The following CHSY1 variants were observed in gnomAD, a reference collection of about 807,000 sequenced individuals.
CHSY1 encodes the protein chondroitin sulfate synthase 1, also known as N-acetylgalactosaminyl-proteoglycan 3-beta-glucuronosyltransferase 1.
CHSY1 carries 13 observed loss-of-function variants against 59.8 expected under a neutral mutation model. The ratio of observed to expected loss-of-function variants is 0.22; its 90% confidence interval spans 0.14 to 0.35. The LOEUF (loss-of-function observed/expected upper bound fraction) is 0.35, where lower values mean the gene tolerates loss of function less well. Among genes scored for constraint, CHSY1 ranks in the 10% least tolerant of loss-of-function variants. CHSY1 has a pLI of 1.00. For synonymous variants in CHSY1, 459 were observed against 401.2 expected, an observed-to-expected ratio of 1.14 and a Z score of -1.72; for missense variants, 947 against 1,030.6, an observed-to-expected ratio of 0.92 and a Z score of 1.11.
intron 2 of CHSY1, among the ~76,000 whole-genome samples, chr15:101,229,319 GAC>G (rs2038870772): frequency 6.6e-6 from 1 of 152,088 alleles, no homozygotes; most frequent in Non-Finnish European, 1.5e-5. Flanking sequence ...CTTCATGAGA[GAC>G]ACACTTTACA....
intron 2 of CHSY1, among the ~76,000 whole-genome samples, chr15:101,190,348 A>G (rs1596431692): frequency 6.6e-6 from 1 of 152,332 alleles, no homozygotes; most frequent in African/African-American, 2.4e-5. Flanking sequence ...CAGTTTTCAG[A>G]GCATAGGCAA....
chr15:101,192,558 G>A (rs2038457695), intron 2 of CHSY1, among the ~76,000 whole-genome samples: 1 of 152,118 alleles, frequency 6.6e-6, no homozygotes, highest in Non-Finnish European at 1.5e-5. Flanking sequence ...TAAGACAAGG[G>A]GACTTTCAAA....
chr15:101,177,795 C>T lies in CHSY1; in HGVS notation c.2002G>A (p.Val668Ile). The change falls in exon 3 of 3, where the codon GTT (valine) becomes ATT (isoleucine). Residue 668 changes from valine to isoleucine, a missense_variant. Around this residue, in one of 4 missense-constraint regions of CHSY1, gnomAD observed 602 missense variants for 676.9 expected, o/e 0.89. Coordinates refer to ENST00000254190, the MANE Select transcript of CHSY1 (RefSeq NM_014918.5). ...IIFSQYDPKI[V>I]YSGKVPSDNH... ...TCACTGGGAACTTTCCCACTATAAA[C>T]AATCTTTGGGTCATACTGGCTGAAG... 3 of 1,614,222 alleles carry T rather than the reference C, an allele frequency of 1.9e-6. No individual in the cohort carries two copies.
intron 2 of CHSY1, among the ~76,000 whole-genome samples, chr15:101,227,150 T>C (rs185220871): frequency 6.6e-6 from 1 of 152,332 alleles, no homozygotes; most frequent in East Asian, 1.9e-4. Context: ...TTTGCCCTAT[T>C]TCCAGTCTGT....
chr15:101,201,122 G>T (rs2038570161), intron 2 of CHSY1, among the ~76,000 whole-genome samples: 1 of 147,096 alleles, frequency 6.8e-6, no homozygotes, highest in African/African-American at 2.5e-5. Context: ...GGTGCGGGGG[G>T]AGGTGGTCGG....
chr15:101,250,868 A>G (rs2039101089), intron 1 of CHSY1, among the ~76,000 whole-genome samples: 1 of 152,220 alleles, frequency 6.6e-6, no homozygotes, highest in African/African-American at 2.4e-5. Flanking sequence ...TGCAAAGGCT[A>G]AAGTGCCTTC....
At chr15:101,181,604 G>C (rs2038279320) in intron 2 of CHSY1, among the ~76,000 whole-genome samples, 1 of 152,180 alleles carries the variant, frequency 6.6e-6, no homozygotes, top group South Asian at 2.1e-4. Context: ...GCCCCACTGG[G>C]TCATGCCACA....
Position 101,176,226 on chromosome 15 carries a change from T to C in CHSY1, c.*1162A>G, listed in dbSNP as rs1251347924. ...ATGGCAGAGCTCTGAACAACAGATA[T>C]TAAATAAATTAAAGGTATTTCAGAT... On this transcript the variant is annotated 3_prime_UTR_variant, in exon 3 of 3. Transcript: ENST00000254190. 2 of 398,426 alleles carry C rather than the reference T, an allele frequency of 5.0e-6. No homozygotes were observed. The highest frequency in any genetic ancestry group is 3.6e-5 in the East Asian group (1 of 28,024). The allele number at this position is 398,426 out of a possible 1,614,324, so 24.7% of individuals were successfully genotyped here. A position where few individuals can be genotyped will look rare whatever the true frequency, so the allele number is the denominator to read the frequency against.
At chr15:101,201,833 T>C (rs540109109) in intron 2 of CHSY1, among the ~76,000 whole-genome samples, 6 of 152,282 alleles carry the variant, frequency 3.9e-5, no homozygotes, top group African/African-American at 1.4e-4. Flanking sequence ...TCCTGAACTG[T>C]GTTCAAAGAG....
chr15:101,250,726 G>A (rs2039098838), intron 1 of CHSY1, among the ~76,000 whole-genome samples: 1 of 152,190 alleles, frequency 6.6e-6, no homozygotes, highest in South Asian at 2.1e-4. Flanking sequence ...GCTTTGCAAG[G>A]ACAAAGGTGC....
Position 101,192,519 on chromosome 15 carries a change from C to G in CHSY1, c.817-13539G>C, listed in dbSNP as rs2038457258. On this transcript the variant is annotated intron_variant, in intron 2 of 2. Transcript: ENST00000254190. ...CAGCCAACCTTAACCCCAACTCCCC[C>G]CACTCCCAAACAATATGGCAACAAG... Among the ~76,000 whole-genome samples, 3 of 152,278 alleles carry G rather than the reference C, an allele frequency of 2.0e-5. No individual in the cohort carries two copies. The South Asian group carries it at 6.2e-4, about 32-fold the overall frequency.
chr15:101,229,987 G>C (rs1002381391), intron 2 of CHSY1, among the ~76,000 whole-genome samples: 1 of 151,326 alleles, frequency 6.6e-6, no homozygotes, highest in Non-Finnish European at 1.5e-5. Context: ...CTTTGCCCAG[G>C]CTGGAGTGAA....
chr15:101,238,721 A>G (rs555209867), intron 1 of CHSY1, among the ~76,000 whole-genome samples: 1 of 152,346 alleles, frequency 6.6e-6, no homozygotes, highest in Admixed American at 6.5e-5. Flanking sequence ...CACTTAAATA[A>G]CTCATTAACA....
chr15:101,237,418 C>G (rs182565264), intron 1 of CHSY1, among the ~76,000 whole-genome samples: 1 of 152,110 alleles, frequency 6.6e-6, no homozygotes, highest in East Asian at 1.9e-4. Context: ...AGAGTGGACA[C>G]AGGAAGACCA....
At chr15:101,187,295 G>C (rs533445864) in intron 2 of CHSY1, among the ~76,000 whole-genome samples, 1 of 152,254 alleles carries the variant, frequency 6.6e-6, no homozygotes, top group African/African-American at 2.4e-5. Flanking sequence ...CCTGGCCAAT[G>C]TGGTGAAACA....
intron 2 of CHSY1, among the ~76,000 whole-genome samples, chr15:101,226,361 A>C (rs762933679): frequency 6.6e-6 from 1 of 152,144 alleles, no homozygotes; most frequent in Non-Finnish European, 1.5e-5. Context: ...CCTTGGAACC[A>C]CCCTATAACG....
intron 2 of CHSY1, among the ~76,000 whole-genome samples, chr15:101,186,257 T>C (rs1596427853): frequency 6.7e-6 from 1 of 150,188 alleles, no homozygotes; most frequent in Non-Finnish European, 1.5e-5. Flanking sequence ...GAGGCGGAGG[T>C]TGCAGTGAGC....
intron 2 of CHSY1, among the ~76,000 whole-genome samples, chr15:101,233,023 G>A (rs921310517): frequency 6.6e-6 from 1 of 152,170 alleles, no homozygotes; most frequent in African/African-American, 2.4e-5. Context: ...ACACGGGGAG[G>A]AGGCCTCCTC....
intron 2 of CHSY1, among the ~76,000 whole-genome samples, chr15:101,203,089 A>C (rs1051235308): frequency 1.3e-5 from 2 of 152,248 alleles, no homozygotes; most frequent in Admixed American, 1.3e-4. Flanking sequence ...ACAAGAAAAC[A>C]ACCACAAATC....
Sources: allele counts gnomAD v4.1 joint callset (sites outside exome capture counted in the v4.1 genomes callset), GRCh38; gene constraint gnomAD v4.1.1; regional missense constraint gnomAD v4.1.1; transcripts MANE v1.5; gene names NCBI Gene and HGNC (gene_info 2026-07-23, HGNC 2026-07-21).